The following GRIK1 variants were observed in gnomAD, a reference collection of about 807,000 sequenced individuals.
The protein encoded by GRIK1 is glutamate receptor ionotropic, kainate 1.
Under a neutral mutation model 105.7 loss-of-function variants are expected in GRIK1, and 69 were observed. The observed-to-expected ratio is 0.65, with a 90% CI of 0.54 to 0.80. GRIK1 has a LOEUF of 0.80. Among genes scored for constraint, GRIK1 ranks in the 30% least tolerant of loss-of-function variants. The pLI, the probability that GRIK1 is intolerant of heterozygous loss-of-function variation, is 0.00. For synonymous variants in GRIK1, 438 were observed against 431.3 expected, an observed-to-expected ratio of 1.02 and a Z score of -0.19; for missense variants, 1,109 against 1,167.3, an observed-to-expected ratio of 0.95 and a Z score of 0.73.
chr21:29,643,796 A>G (rs1228522627), intron 6 of GRIK1, among the ~76,000 whole-genome samples: 2 of 152,196 alleles, frequency 1.3e-5, no homozygotes, highest in Non-Finnish European at 2.9e-5. Flanking sequence ...CTTCAAATAC[A>G]TTAGCTCATT....
chr21:29,587,575 T>A lies in GRIK1; in HGVS notation c.1584A>T (p.Ala528=). ...KELIDHRADL[A]VAPLTITYVR... is the part of the protein sequence containing the mutation. The stretch of plus-strand genomic sequence containing the variant: ...CGTAGGTGATGGTAAGAGGAGCCAC[T>A]GCCAGGTCAGCCCTCTGCAAAAGCA... Residue 528 remains alanine (A), a synonymous_variant, in exon 12 of 18, where the codon GCA becomes GCT. Coordinates refer to ENST00000327783, the MANE Select transcript of GRIK1 (RefSeq NM_001330994.2). 6.2e-7 allele frequency: 1 copy of A among 1,610,496 alleles called. No individual in the cohort carries two copies. The highest frequency in any genetic ancestry group is 8.5e-7 in the Non-Finnish European group (1 of 1,176,994).
In GRIK1 at chr21:29,631,255, A is replaced by G. The variant is rs145641473; in HGVS notation, c.1098+11571T>C. On this transcript the variant is annotated intron_variant, in intron 7 of 17. Transcript: ENST00000327783. ...AATAATTGTGTACCCCCACATTTAT[A>G]TGTTGAAGCCATAACCCCCAATGTG... Among the ~76,000 whole-genome samples, 32 of 152,322 alleles carry G rather than the reference A, an allele frequency of 2.1e-4. No homozygotes were observed. In the East Asian group the frequency reaches 5.8e-3, roughly 28 times the overall value.
chr21:29,633,514 A>AAAAT lies in GRIK1; in HGVS notation c.1098+9308_1098+9311dup, dbSNP rs57847572. ...TCTGTCTCTAAAATAAAATAAAATA[A>AAAAT]AAATAAATAAATAAATAAATAAATT... On this transcript the variant is annotated intron_variant, in intron 7 of 17. Coordinates refer to ENST00000327783, the MANE Select transcript of GRIK1 (RefSeq NM_001330994.2). Among the ~76,000 whole-genome samples the AAAAT allele has an allele frequency of 4.7e-3, 715 of 151,772 alleles. 6 individuals carry two copies. Among genetic ancestry groups the AAAAT allele is most frequent in the African/African-American group, 0.016 (672 of 41,364 alleles).
chr21:29,573,080 G>A (rs2090793351), intron 14 of GRIK1, among the ~76,000 whole-genome samples: 1 of 151,994 alleles, frequency 6.6e-6, no homozygotes, highest in Non-Finnish European at 1.5e-5. Context: ...GTGCTCAACT[G>A]GTCTTTTTTA....
At chr21:29,580,756 G>GA (rs536959649) in intron 13 of GRIK1, among the ~76,000 whole-genome samples, 106 of 148,804 alleles carry the variant, frequency 7.1e-4, no homozygotes, top group African/African-American at 9.6e-4. Context: ...CATTGAAGCT[G>GA]AAAAAAAAAA....
intron 1 of GRIK1, among the ~76,000 whole-genome samples, chr21:29,919,194 T>C (rs2071106547): frequency 6.6e-6 from 1 of 152,060 alleles, no homozygotes; most frequent in African/African-American, 2.4e-5. Flanking sequence ...GTTCCTGTCT[T>C]CCAAGCTGAT....
intron 7 of GRIK1, among the ~76,000 whole-genome samples, chr21:29,627,491 C>A (rs546436736): frequency 1.3e-5 from 2 of 152,244 alleles, no homozygotes; most frequent in South Asian, 4.1e-4. Flanking sequence ...GATTCCCGTG[C>A]CCCACACCAT....
At chr21:29,673,977 C>T (rs1452831414) in intron 3 of GRIK1, among the ~76,000 whole-genome samples, 1 of 152,122 alleles carries the variant, frequency 6.6e-6, no homozygotes, top group Non-Finnish European at 1.5e-5. Flanking sequence ...AAAAGGCTCC[C>T]TCTTATGTTC....
In GRIK1 at chr21:29,681,751, TTCTA is replaced by T. The variant is rs375751654; in HGVS notation, c.544+7973_544+7976del. 3.8e-3 allele frequency among the ~76,000 whole-genome samples: 578 copies of T among 152,316 alleles called. 3 individuals carry two copies. The highest frequency in any genetic ancestry group is 6.2e-3 in the Non-Finnish European group (423 of 68,028). ...ACCTAAGCTCCTTGAAGTCAGTGGG[TTCTA>T]TCTGTTTTATTCACTAATGTATTCC... On this transcript the variant is annotated intron_variant, in intron 3 of 17. Transcript: ENST00000327783.
chr21:29,537,533 C>T (rs1310988683), intron 17 of GRIK1, 148 bp from the exon 18 acceptor site: 1 of 681,846 alleles, frequency 1.5e-6, no homozygotes, highest in Non-Finnish European at 2.5e-6. Flanking sequence ...CCTCCTCCTC[C>T]ACCCGCTGGC....
chr21:29,702,672 CT>C (rs2063835037), intron 1 of GRIK1, among the ~76,000 whole-genome samples: 2 of 152,298 alleles, frequency 1.3e-5, no homozygotes, highest in East Asian at 1.9e-4. Context: ...GATCGCACCA[CT>C]GCACTCCAGC....
At chr21:29,850,304 AT>A (rs1043523884) in intron 1 of GRIK1, among the ~76,000 whole-genome samples, 3 of 151,742 alleles carry the variant, frequency 2.0e-5, no homozygotes, top group African/African-American at 2.4e-5. Flanking sequence ...GCAGATGTAA[AT>A]TTTTTTTTGT....
intron 1 of GRIK1, among the ~76,000 whole-genome samples, chr21:29,826,784 A>G (rs1395884776): frequency 1.3e-5 from 2 of 152,236 alleles, no homozygotes; most frequent in Middle Eastern, 3.4e-3. Context: ...TCTCCAGAGA[A>G]CACTAACAGA....
At chr21:29,804,773 A>G (rs2066816594) in intron 1 of GRIK1, among the ~76,000 whole-genome samples, 1 of 152,162 alleles carries the variant, frequency 6.6e-6, no homozygotes, top group African/African-American at 2.4e-5. Flanking sequence ...TGTGTGTAAA[A>G]AGAAAGGTAT....
At chr21:29,838,712 G>A (rs1371134664) in intron 1 of GRIK1, among the ~76,000 whole-genome samples, 1 of 152,176 alleles carries the variant, frequency 6.6e-6, no homozygotes, top group African/African-American at 2.4e-5. Context: ...CTCTGAGTTT[G>A]ATACTGATTA....
At chr21:29,761,107 C>A (rs1347130139) in intron 1 of GRIK1, 1 of 152,228 alleles carries the variant, frequency 6.6e-6, no homozygotes, top group African/African-American at 2.4e-5. Context: ...ACCATGAAGC[C>A]TGTGACTAGC....
chr21:29,772,139 T>C (rs1601654422), intron 1 of GRIK1, among the ~76,000 whole-genome samples: 1 of 152,358 alleles, frequency 6.6e-6, no homozygotes, highest in East Asian at 1.9e-4. Flanking sequence ...ACATTTTTTT[T>C]CACTTCATTG....
intron 1 of GRIK1, among the ~76,000 whole-genome samples, chr21:29,925,332 C>T (rs1370538777): frequency 1.3e-5 from 2 of 152,166 alleles, no homozygotes; most frequent in Admixed American, 6.6e-5. Context: ...ACAATTTTCT[C>T]GTCCACTTTT....
Position 29,786,031 on chromosome 21 carries a change from C to G in GRIK1, c.119-91968G>C, listed in dbSNP as rs546152383. Among the ~76,000 whole-genome samples the G allele has an allele frequency of 1.0e-3, 158 of 152,324 alleles. 2 individuals are homozygous for G. In the Middle Eastern group the frequency reaches 0.061, roughly 59 times the overall value. On this transcript the variant is annotated intron_variant, in intron 1 of 17. Transcript: ENST00000327783. ...TTTGAGACGGAGTCTCGCTCTGTCA[C>G]CAGGCTGGAGTGCAGTGGCGATCTC... is the stretch of plus-strand genomic sequence containing the variant.
Sources: gnomAD v4.1 joint callset for allele counts (sites outside exome capture counted in the v4.1 genomes callset) on GRCh38, gnomAD v4.1.1 for gene constraint, MANE v1.5 for transcripts, NCBI Gene and HGNC (gene_info 2026-07-23, HGNC 2026-07-21) for gene names.